SEC14L1: variants seen among roughly 807,000 people sequenced by gnomAD.
SEC14L1 encodes the protein SEC14-like protein 1.
SEC14L1 carries 48 observed loss-of-function variants against 85.3 expected under a neutral mutation model. That is an observed-to-expected ratio of 0.56 (90% CI 0.45 to 0.72). The LOEUF (loss-of-function observed/expected upper bound fraction) is 0.72. Among genes scored for constraint, SEC14L1 ranks in the 30% least tolerant of loss-of-function variants. The pLI is 0.00. For synonymous variants in SEC14L1, 391 were observed against 355.5 expected, an observed-to-expected ratio of 1.10 and a Z score of -1.12; for missense variants, 682 against 921.4, an observed-to-expected ratio of 0.74 and a Z score of 3.36.
chr17:77,099,807 G>C (rs1007433479), intron 3 of SEC14L1, among the ~76,000 whole-genome samples: 2 of 152,082 alleles, frequency 1.3e-5, no homozygotes, highest in Non-Finnish European at 2.9e-5. Context: ...CTAATGTACT[G>C]TCTTTGTTCC....
chr17:77,179,931 C>G (rs111262624), intron 3 of SEC14L1, among the ~76,000 whole-genome samples: 10,350 of 152,162 alleles, frequency 0.068, 453 homozygotes, highest in East Asian at 0.27. Flanking sequence ...CCCGCCTCAG[C>G]CTCCCAAAGT....
chr17:77,145,220 C>T (rs1419008450), intron 3 of SEC14L1, among the ~76,000 whole-genome samples: 1 of 151,970 alleles, frequency 6.6e-6, no homozygotes, highest in Admixed American at 6.6e-5. Flanking sequence ...TCTTGAACTT[C>T]TGCCCTCAGG....
intron 14 of SEC14L1, among the ~76,000 whole-genome samples, 169 bp downstream of exon 14, chr17:77,209,645 C>A (rs1047240701): frequency 2.0e-5 from 3 of 152,120 alleles, no homozygotes; most frequent in African/African-American, 7.2e-5. Flanking sequence ...ATGTCAACGT[C>A]GAAGAATGGG....
intron 3 of SEC14L1, among the ~76,000 whole-genome samples, chr17:77,102,543 G>A (rs1319511670): frequency 6.6e-6 from 1 of 151,416 alleles, no homozygotes; most frequent in African/African-American, 2.4e-5. Context: ...TCACTCTATT[G>A]CCCAGCCTGG....
intron 3 of SEC14L1, among the ~76,000 whole-genome samples, chr17:77,132,264 G>C (rs1015426458): frequency 1.4e-5 from 2 of 139,924 alleles, no homozygotes; most frequent in East Asian, 4.1e-4. Flanking sequence ...GTCTGGCTCT[G>C]TCACCCAGGC....
At chr17:77,190,471 T>G (rs1598370679) in intron 3 of SEC14L1, among the ~76,000 whole-genome samples, 1 of 152,236 alleles carries the variant, frequency 6.6e-6, no homozygotes, top group Non-Finnish European at 1.5e-5. Context: ...TATTCATCTT[T>G]TTCAAAATCG....
intron 3 of SEC14L1, among the ~76,000 whole-genome samples, chr17:77,106,634 C>G (rs1399193644): frequency 6.6e-6 from 1 of 151,858 alleles, no homozygotes; most frequent in Non-Finnish European, 1.5e-5. Context: ...AAGCCCATCT[C>G]TACCTGGGCA....
intron 3 of SEC14L1, among the ~76,000 whole-genome samples, chr17:77,178,869 G>C (rs1054126617): frequency 6.6e-6 from 1 of 152,192 alleles, no homozygotes; most frequent in Non-Finnish European, 1.5e-5. Flanking sequence ...GTTAAACGAA[G>C]GTAGTCCAGG....
chr17:77,185,277 C>T, intron 3 of SEC14L1: 1 of 985,448 alleles, frequency 1.0e-6, no homozygotes, highest in Non-Finnish European at 1.2e-6. Flanking sequence ...GAGGCGCTTG[C>T]TAACTGCCCC....
chr17:77,212,036 C>T lies in SEC14L1; in HGVS notation c.1698C>T (p.His566=). The T allele has an allele frequency of 1.2e-6, 2 of 1,614,166 alleles. No homozygotes were observed. The highest frequency in any genetic ancestry group is 1.7e-6 in the Non-Finnish European group (2 of 1,180,032). ...CKGDIVFNIY[H]SKRSPQPPKK... ...GGGACATTGTGTTTAACATCTATCA[C>T]TCCAAGAGGTCGCCACAACCACCCA... is the stretch of plus-strand genomic sequence containing the variant. Residue 566 remains histidine (H), a synonymous_variant, in exon 15 of 17, where the codon CAC becomes CAT. Coordinates refer to ENST00000436233, the MANE Select transcript of SEC14L1 (RefSeq NM_001143998.2).
At position 77,206,391 on chromosome 17, in the gene SEC14L1, C is replaced by G; in HGVS notation, c.1332C>G (p.Leu444=). The part of the protein sequence containing the change: ...ILRAPRVFPV[L]WTLVSPFIDD... ...GGGCGCCCAGGGTATTTCCTGTGCT[C>G]TGGACGCTGGTGGGTTGAGATGCTT... The change falls in exon 12 of 17, where the codon CTC becomes CTG. Residue 444 remains leucine, a synonymous_variant. Coordinates refer to ENST00000436233, the MANE Select transcript of SEC14L1 (RefSeq NM_001143998.2). The surrounding 1 kb of genome is among the most constrained non-coding windows in gnomAD (Gnocchi z 4.3). 1 of 1,613,658 alleles carries G rather than the reference C, an allele frequency of 6.2e-7. No individual in the cohort carries two copies. Among genetic ancestry groups the G allele is most frequent in the Non-Finnish European group, 8.5e-7 (1 of 1,179,670 alleles).
chr17:77,145,135 G>GTGTGTGTGTGTGTATA (rs1362414893), intron 3 of SEC14L1: 1 of 143,502 alleles, frequency 7.0e-6, no homozygotes, highest in Admixed American at 7.1e-5. Flanking sequence ...GTGTGTGTGT[G>GTGTGTGTGTGTGTATA]TATATATACA....
chr17:77,147,280 T>A (rs1973356930), intron 3 of SEC14L1, among the ~76,000 whole-genome samples: 1 of 152,154 alleles, frequency 6.6e-6, no homozygotes, highest in Non-Finnish European at 1.5e-5. Flanking sequence ...AAAAAGTGCC[T>A]AGTATAAATA....
intron 3 of SEC14L1, among the ~76,000 whole-genome samples, chr17:77,100,245 C>T (rs1443222037): frequency 1.3e-5 from 2 of 152,232 alleles, no homozygotes; most frequent in African/African-American, 4.8e-5. Flanking sequence ...TCTGCTTCCC[C>T]TTCTGCACCC....
Position 77,203,623 on chromosome 17 carries a change from G to T in SEC14L1, c.1063G>T (p.Val355Leu). ...GGGGCAGATGGACACCAAAGGCTTG[G>T]TGAGAGCGCTCGGGGAGGAAGCCCT... ...RLGQMDTKGLVRALGEEALLR... is the reference protein window; with the variant it reads ...RLGQMDTKGLLRALGEEALLR... Residue 355 changes from valine (V) to leucine (L), a missense_variant, in exon 10 of 17, where the codon GTG (valine) becomes TTG (leucine). Physicochemically the swap from Val to Leu is conservative, Grantham distance 32. This residue lies in a region of SEC14L1 where 420 missense variants were observed against 619.5 expected (regional missense o/e 0.68). Transcript: ENST00000436233. 3 of 1,613,866 alleles carry T rather than the reference G, an allele frequency of 1.9e-6. No individual in the cohort carries two copies. The highest frequency in any genetic ancestry group is 2.5e-6 in the Non-Finnish European group (3 of 1,179,948).
intron 3 of SEC14L1, among the ~76,000 whole-genome samples, chr17:77,124,142 T>C (rs1313325308): frequency 2.0e-5 from 3 of 152,018 alleles, no homozygotes; most frequent in Non-Finnish European, 4.4e-5. Flanking sequence ...GGCAGGTGGA[T>C]CACTTGAGCC....
chr17:77,147,775 G>A (rs1363422230), intron 3 of SEC14L1, among the ~76,000 whole-genome samples: 1 of 152,210 alleles, frequency 6.6e-6, no homozygotes, highest in Non-Finnish European at 1.5e-5. Context: ...CTTCTGGGGG[G>A]ATGGTTGCAG....
chr17:77,147,560 G>A (rs139359426), intron 3 of SEC14L1, among the ~76,000 whole-genome samples: 3 of 152,082 alleles, frequency 2.0e-5, no homozygotes, highest in Non-Finnish European at 2.9e-5. Flanking sequence ...CTTGGAGGGC[G>A]GGGAATCTGA....
At position 77,099,856 on chromosome 17, in the gene SEC14L1, A is replaced by T. The variant is rs138775784; in HGVS notation, c.-136+6509A>T. On this transcript the variant is annotated intron_variant, in intron 3 of 19. Transcript: ENST00000392476. ...CCTTCGAAAGTTAACGGGGAAGATCAAAAGGAGGTATTAAGAGATCAAAAT... is the reference window on the plus strand; with the variant it reads ...CCTTCGAAAGTTAACGGGGAAGATCTAAAGGAGGTATTAAGAGATCAAAAT... 9.6e-3 allele frequency among the ~76,000 whole-genome samples: 1,470 copies of T among 152,372 alleles called. 29 individuals carry two copies. Among genetic ancestry groups the T allele is most frequent in the African/African-American group, 0.033 (1,389 of 41,590 alleles).
Sources: gnomAD v4.1 joint callset for allele counts (sites outside exome capture counted in the v4.1 genomes callset) on GRCh38, gnomAD v4.1.1 for gene constraint, gnomAD v4.1.1 regional missense constraint, Gnocchi (gnomAD v3.1) non-coding constraint, MANE v1.5 for transcripts, NCBI Gene and HGNC (gene_info 2026-07-23, HGNC 2026-07-21) for gene names.